Variants in KANK1 observed in about 807,000 individuals in gnomAD.
KANK1 encodes the protein KN motif and ankyrin repeat domains 1, also known as KN motif and ankyrin repeat domain-containing protein 1.
Under a neutral mutation model 106.2 loss-of-function variants are expected in KANK1, and 109 were observed. The ratio of observed to expected loss-of-function variants is 1.03; its 90% CI spans 0.88 to 1.20. KANK1 has a LOEUF of 1.20. Among genes scored for constraint, KANK1 ranks in the 50% most tolerant of loss-of-function variants. The probability of loss-of-function intolerance (pLI) is 0.00; values close to 1 mark genes in which losing one functional copy is unlikely to be tolerated. For missense variants in KANK1, 2,399 were observed against 1,710.7 expected, an observed-to-expected ratio of 1.40 and a Z score of -7.10; for synonymous variants, 873 against 652.2, an observed-to-expected ratio of 1.34 and a Z score of -5.16.
At chr9:636,282 T>A (rs1285089058) in intron 1 of KANK1, among the ~76,000 whole-genome samples, 1 of 152,166 alleles carries the variant, frequency 6.6e-6, no homozygotes, top group East Asian at 1.9e-4. Flanking sequence ...TCAGAATAAT[T>A]TCAAACTTTT....
chr9:745,182 A>G lies in KANK1; in HGVS notation c.4006A>G (p.Arg1336Gly), dbSNP rs1411473487. ...CTTTCCTGGTCTCTAGGGCACCCCT[A>G]GGCTTGGAAGGAAGACGTCTCCTGG... The part of the protein sequence containing the change: ...FAKAQSPGTP[R>G]LGRKTSPGPT... The change falls in exon 12 of 12, where the codon AGG becomes GGG. Residue 1336 changes from arginine to glycine, a missense_variant. Arg to Gly is a moderately radical substitution (Grantham distance 125). Coordinates refer to ENST00000382297, the MANE Select transcript of KANK1 (RefSeq NM_015158.5). 15 of 1,613,918 alleles carry G rather than the reference A, an allele frequency of 9.3e-6. No individual in the cohort carries two copies. Among genetic ancestry groups the G allele is most frequent in the African/African-American group, 1.3e-5 (1 of 74,888 alleles).
At chr9:617,765 A>G (rs1832191120) in intron 1 of KANK1, among the ~76,000 whole-genome samples, 1 of 152,224 alleles carries the variant, frequency 6.6e-6, no homozygotes, top group Admixed American at 6.5e-5. Context: ...TGACGCGTGC[A>G]TGTGCACACT....
chr9:500,011 G>GATA (rs2058523298), upstream of KANK1, among the ~76,000 whole-genome samples: 1 of 152,214 alleles, frequency 6.6e-6, no homozygotes, highest in South Asian at 2.1e-4. Flanking sequence ...CCTTGATGAT[G>GATA]ATAATATTTC....
At chr9:648,788 A>T in intron 1 of KANK1, among the ~76,000 whole-genome samples, 1 of 152,184 alleles carries the variant, frequency 6.6e-6, no homozygotes, top group East Asian at 1.9e-4. Flanking sequence ...ACACTGTAAA[A>T]TTATAAAGCT....
intron 2 of KANK1, among the ~76,000 whole-genome samples, 176 bp from the exon 3 acceptor site, chr9:710,628 A>C (rs1664165428): frequency 2.2e-5 from 2 of 91,690 alleles, no homozygotes; most frequent in Non-Finnish European, 5.0e-5. Flanking sequence ...AAAAAAAAAA[A>C]ACAAAAAAAA....
At chr9:529,434 C>T (rs886850481) in intron 1 of KANK1, among the ~76,000 whole-genome samples, 8 of 149,874 alleles carry the variant, frequency 5.3e-5, no homozygotes, top group Non-Finnish European at 1.0e-4. Flanking sequence ...CTCTCGACCT[C>T]GTGATCCACT....
intron 1 of KANK1, among the ~76,000 whole-genome samples, chr9:636,104 G>T (rs572927574): frequency 2.0e-5 from 3 of 152,174 alleles, no homozygotes; most frequent in African/African-American, 7.2e-5. Flanking sequence ...TATTGGAGGA[G>T]CTTTCAAACA....
chr9:684,534 G>A, intron 2 of KANK1: 1 of 985,420 alleles, frequency 1.0e-6, no homozygotes, highest in Non-Finnish European at 1.2e-6. Flanking sequence ...ACAAGGATTT[G>A]AAAACTCTGT....
chr9:690,131 T>TAAAAAAAAAA (rs1819524820), intron 2 of KANK1, among the ~76,000 whole-genome samples: 3 of 16,688 alleles, frequency 1.8e-4, no homozygotes, highest in African/African-American at 3.6e-4. Context: ...CTTCTAAAAA[T>TAAAAAAAAAA]ACAAAAAAAA....
intron 8 of KANK1, 27 bp from the exon 9 acceptor site, chr9:740,765 G>T (rs754576090): frequency 6.4e-7 from 1 of 1,555,792 alleles, no homozygotes; most frequent in Non-Finnish European, 8.7e-7. Context: ...TGCTTCCTAA[G>T]AGACTTTTTT....
intron 1 of KANK1, among the ~76,000 whole-genome samples, chr9:609,989 T>G (rs1258206401): frequency 6.6e-6 from 1 of 152,300 alleles, no homozygotes; most frequent in East Asian, 1.9e-4. Flanking sequence ...GTCAGGACTT[T>G]CCACTCATTT....
chr9:725,600 A>G (rs1830446138), intron 3 of KANK1, among the ~76,000 whole-genome samples: 2 of 152,096 alleles, frequency 1.3e-5, no homozygotes, highest in South Asian at 4.1e-4. Flanking sequence ...AACCAGTCAA[A>G]GTAGACCACC....
chr9:568,496 G>C (rs1004177524), intron 1 of KANK1, among the ~76,000 whole-genome samples: 3 of 152,118 alleles, frequency 2.0e-5, no homozygotes, highest in African/African-American at 7.2e-5. Context: ...TGTGACCCAG[G>C]CTGGAGTGCA....
intron 5 of KANK1, 122 bp from the exon 6 acceptor site, chr9:732,256 G>T (rs1589268973): frequency 8.4e-7 from 1 of 1,191,232 alleles, no homozygotes; most frequent in South Asian, 1.5e-5. Flanking sequence ...ACTTCTAAGT[G>T]CAGGATCTAA....
intron 1 of KANK1, among the ~76,000 whole-genome samples, chr9:564,780 C>G (rs189191930): frequency 4.6e-5 from 7 of 152,324 alleles, no homozygotes; most frequent in Non-Finnish European, 1.0e-4. Flanking sequence ...AATTCATATT[C>G]TTGAGAGTCA....
chr9:573,561 C>T (rs1241181360), intron 1 of KANK1, among the ~76,000 whole-genome samples: 1 of 152,094 alleles, frequency 6.6e-6, no homozygotes, highest in African/African-American at 2.4e-5. Context: ...TGAGCCACCG[C>T]GCCCGGTCAA....
In KANK1 at chr9:705,072, A is replaced by G. The variant is rs10975940; in HGVS notation, c.38-5732A>G. On this transcript the variant is annotated intron_variant, in intron 2 of 11. Coordinates refer to ENST00000382297, the MANE Select transcript of KANK1 (RefSeq NM_015158.5). Reference sequence around the variant, plus strand: ...AAAATATAAAGAATAAAAATCATCTATAATTCCACAACCTAAAGATAACAA... The same window carrying G: ...AAAATATAAAGAATAAAAATCATCTGTAATTCCACAACCTAAAGATAACAA... 3.3e-5 allele frequency among the ~76,000 whole-genome samples: 5 copies of G among 152,074 alleles called. No homozygotes were observed. The East Asian group carries it at 9.7e-4, about 29-fold the overall frequency.
At chr9:579,224 C>T (rs1395559288) in intron 1 of KANK1, among the ~76,000 whole-genome samples, 1 of 152,096 alleles carries the variant, frequency 6.6e-6, no homozygotes, top group Non-Finnish European at 1.5e-5. Flanking sequence ...GTCTGCTTCC[C>T]TCTGCCCCCA....
At chr9:633,321 G>A (rs948438248) in intron 1 of KANK1, among the ~76,000 whole-genome samples, 4 of 152,042 alleles carry the variant, frequency 2.6e-5, no homozygotes, top group African/African-American at 4.8e-5. Flanking sequence ...AGCCGGGCGT[G>A]GTGGCGGGCG....
Sources: gnomAD v4.1 joint callset for allele counts (sites outside exome capture counted in the v4.1 genomes callset) on GRCh38, gnomAD v4.1.1 for gene constraint, MANE v1.5 for transcripts, NCBI Gene and HGNC (gene_info 2026-07-23, HGNC 2026-07-21) for gene names.